The following ANAPC10 variants were observed in gnomAD, a reference collection of about 807,000 sequenced individuals.
The protein encoded by ANAPC10 is anaphase promoting complex subunit 10.
Under a neutral mutation model 22.0 loss-of-function variants are expected in ANAPC10, and 12 were observed. That is an observed-to-expected ratio of 0.55 (90% confidence interval 0.35 to 0.88). The LOEUF is 0.88. ANAPC10 is among the 40% of genes least tolerant of loss of function. ANAPC10 has a pLI of 0.01. For missense variants in ANAPC10, 188 were observed against 220.9 expected, an observed-to-expected ratio of 0.85 and a Z score of 0.94; for synonymous variants, 65 against 69.5, an observed-to-expected ratio of 0.94 and a Z score of 0.32.
intron 4 of ANAPC10, among the ~76,000 whole-genome samples, 177 bp from the exon 5 acceptor site, chr4:144,995,780 C>T (rs1578842163): frequency 6.6e-6 from 1 of 152,276 alleles, no homozygotes; most frequent in East Asian, 1.9e-4. Context: ...CTTATAGTTG[C>T]TAAGCACTTT....
At chr4:145,021,936 T>C (rs1407126264) in intron 4 of ANAPC10, among the ~76,000 whole-genome samples, 1 of 152,126 alleles carries the variant, frequency 6.6e-6, no homozygotes, top group Non-Finnish European at 1.5e-5. Context: ...TCACTAATGA[T>C]CAGGCAAATG....
At position 144,995,383 on chromosome 4, in the gene ANAPC10, G is replaced by T; in HGVS notation, c.548C>A (p.Ser183Ter). 1.2e-6 allele frequency: 2 copies of T among 1,605,398 alleles called. No homozygotes were observed. Among genetic ancestry groups the T allele is most frequent in the South Asian group, 2.2e-5 (2 of 90,304 alleles). ...CTTIDFMMYR[S>*]IR ...CGTCTCATTTTAAAGTCACCTTATTGAACGATACATCATGAAATCTATAGT... is the reference window on the plus strand; with the variant it reads ...CGTCTCATTTTAAAGTCACCTTATTTAACGATACATCATGAAATCTATAGT... The change falls in exon 5 of 5, where the codon TCA (serine) becomes TAA (stop). Residue 183 changes from serine (S) to a stop codon, truncating the protein, a stop_gained. Transcript: ENST00000507656. LOFTEE classifies it high-confidence loss of function.
At chr4:145,050,840 G>A (rs2126306475) in intron 4 of ANAPC10, among the ~76,000 whole-genome samples, 1 of 152,340 alleles carries the variant, frequency 6.6e-6, no homozygotes, top group South Asian at 2.1e-4. Context: ...TTTGGCTTAA[G>A]GGAATGTTGT....
intron 4 of ANAPC10, among the ~76,000 whole-genome samples, chr4:145,009,485 T>C (rs1233986703): frequency 1.3e-5 from 2 of 152,022 alleles, no homozygotes; most frequent in Non-Finnish European, 2.9e-5. Context: ...TGTAGACCAA[T>C]GGAACAGAAC....
At chr4:145,094,182 C>T (rs763220878) in intron 2 of ANAPC10, among the ~76,000 whole-genome samples, 7 of 152,156 alleles carry the variant, frequency 4.6e-5, no homozygotes, top group Non-Finnish European at 7.4e-5. Context: ...GAATAAACTA[C>T]AGATATGTGC....
At chr4:145,096,286 G>A (rs1748506264) in intron 1 of ANAPC10, among the ~76,000 whole-genome samples, 175 bp from the exon 2 acceptor site, 1 of 152,128 alleles carries the variant, frequency 6.6e-6, no homozygotes, top group Non-Finnish European at 1.5e-5. Flanking sequence ...GGCTGGGCAT[G>A]GTGGCTCACA....
chr4:145,035,027 T>C (rs753454949), intron 4 of ANAPC10: 2 of 152,502 alleles, frequency 1.3e-5, no homozygotes, highest in Non-Finnish European at 2.9e-5. Flanking sequence ...GACTTTGTAA[T>C]GTGTCAACTC....
rs7698168 is a variant in ANAPC10, at chr4:145,065,759, T to A, written c.207-1067A>T. ...CAGTAGAAAAAAGATTATAAAACAA[T>A]ATATACAGAAGAATCACATTTGGGG... is the stretch of plus-strand genomic sequence containing the variant. On this transcript the variant is annotated intron_variant, in intron 3 of 4. Coordinates refer to ENST00000507656, the MANE Select transcript of ANAPC10 (RefSeq NM_001256706.2). Among the ~76,000 whole-genome samples the A allele has an allele frequency of 4.4e-3, 669 of 152,014 alleles. 3 individuals are homozygous for A. The highest frequency in any genetic ancestry group is 0.015 in the African/African-American group (615 of 41,512).
chr4:145,047,761 A>G (rs575384141), intron 4 of ANAPC10, among the ~76,000 whole-genome samples: 2,537 of 152,228 alleles, frequency 0.017, 80 homozygotes, highest in African/African-American at 0.057. Context: ...AATTGATGAG[A>G]TTATTGTTCA....
intron 4 of ANAPC10, among the ~76,000 whole-genome samples, chr4:145,054,872 C>T (rs1297686252): frequency 6.6e-6 from 1 of 152,008 alleles, no homozygotes; most frequent in Admixed American, 6.6e-5. Context: ...CATTCTACAC[C>T]ATTCTGTGTC....
intron 3 of ANAPC10, among the ~76,000 whole-genome samples, chr4:145,074,726 T>G (rs974089841): frequency 6.6e-6 from 1 of 152,138 alleles, no homozygotes; most frequent in Non-Finnish European, 1.5e-5. Context: ...TACAAATAAA[T>G]AACCAGGTTC....
At chr4:145,081,544 T>C in intron 3 of ANAPC10, 116 bp downstream of exon 3, 1 of 627,516 alleles carries the variant, frequency 1.6e-6, no homozygotes, top group Non-Finnish European at 2.7e-6. Flanking sequence ...GACTTCAGAG[T>C]TTAAAAAGTT....
At chr4:145,009,150 G>C (rs959065093) in intron 4 of ANAPC10, among the ~76,000 whole-genome samples, 1 of 152,022 alleles carries the variant, frequency 6.6e-6, no homozygotes, top group African/African-American at 2.4e-5. Flanking sequence ...ACCTCTTCAG[G>C]AACCACAAAC....
intron 3 of ANAPC10, among the ~76,000 whole-genome samples, chr4:145,074,266 G>A (rs921132378): frequency 8.6e-5 from 13 of 151,406 alleles, no homozygotes; most frequent in South Asian, 4.2e-4. Context: ...CCCTCTCTAC[G>A]TTAGGACTTA....
rs755241784 is a variant in ANAPC10 at position 145,096,002 on chromosome 4, A to T, written c.98T>A (p.Leu33His). 6.2e-7 allele frequency: 1 copy of T among 1,614,116 alleles called. No individual in the cohort carries two copies. Among genetic ancestry groups the T allele is most frequent in the Admixed American group, 1.7e-5 (1 of 60,012 alleles). The change falls in exon 2 of 5, where the codon CTC (leucine) becomes CAC (histidine). Residue 33 changes from leucine to histidine, a missense_variant. Leu to His is a moderately conservative substitution (Grantham distance 99). Transcript: ENST00000507656. ...REIGSQAVWS[L>H]SSCKPGFGVD... The stretch of plus-strand genomic sequence containing the variant: ...GTTTTTACCTGGTTTGCAAGATGAG[A>T]GTGACCAAACAGCTTGTGACCCAAT...
intron 3 of ANAPC10, among the ~76,000 whole-genome samples, chr4:145,071,513 TTAAA>T (rs1169666542): frequency 6.6e-5 from 10 of 152,254 alleles, no homozygotes; most frequent in African/African-American, 2.4e-4. Context: ...CAACAGAATA[TTAAA>T]TAAATAATAT....
chr4:145,042,818 T>C (rs1245984340), intron 4 of ANAPC10, among the ~76,000 whole-genome samples: 2 of 152,072 alleles, frequency 1.3e-5, no homozygotes, highest in African/African-American at 4.8e-5. Flanking sequence ...CTGTTTTTTT[T>C]GGATTATGCT....
At chr4:145,002,419 C>A (rs1019492844) in intron 4 of ANAPC10, among the ~76,000 whole-genome samples, 1 of 152,104 alleles carries the variant, frequency 6.6e-6, no homozygotes, top group Non-Finnish European at 1.5e-5. Flanking sequence ...AAGTCAAAAT[C>A]AGTCCCCCTG....
At chr4:145,066,482 C>CT (rs892819559) in intron 3 of ANAPC10, among the ~76,000 whole-genome samples, 103 of 146,182 alleles carry the variant, frequency 7.0e-4, no homozygotes, top group East Asian at 4.7e-3. Context: ...CTCTTAAGAA[C>CT]TTTTTTTTTT....
Sources: allele counts gnomAD v4.1 joint callset (sites outside exome capture counted in the v4.1 genomes callset), GRCh38; gene constraint gnomAD v4.1.1; transcripts MANE v1.5; gene names NCBI Gene and HGNC (gene_info 2026-07-23, HGNC 2026-07-21).